SFI1: variants seen among roughly 807,000 people sequenced by gnomAD.
SFI1 encodes the protein protein SFI1 homolog.
SFI1 carries 195 observed loss-of-function variants against 207.5 expected under a neutral mutation model. That is an observed-to-expected ratio of 0.94 (90% CI 0.84 to 1.06). SFI1 has a LOEUF of 1.06. SFI1 is among the 50% of genes least tolerant of loss of function. SFI1 has a pLI of 0.00. For synonymous variants in SFI1, 630 were observed against 598.9 expected (o/e 1.05, Z -0.76); for missense variants, 1,634 against 1,588.0 (o/e 1.03, Z -0.49).
At chr22:31,516,305 G>C (rs2056490650) in intron 2 of SFI1, among the ~76,000 whole-genome samples, 1 of 151,986 alleles carries the variant, frequency 6.6e-6, no homozygotes, top group Non-Finnish European at 1.5e-5. Context: ...TTGAGGTCAG[G>C]AGTTAGAGAC....
Position 31,547,033 on chromosome 22 carries a change from T to C in SFI1, c.449+62T>C. 3 of 1,264,380 alleles carry C rather than the reference T, an allele frequency of 2.4e-6. No homozygotes were observed. The South Asian group carries it at 4.1e-5, about 17-fold the overall frequency. The allele number at this position is 1,264,380 out of a possible 1,614,324, so 78.3% of individuals were successfully genotyped here. On this transcript the variant is annotated intron_variant, in intron 5 of 32. Transcript: ENST00000400288. ...TGCACATTATCAGATGATTATTTGT[T>C]GGCGTGTTTATGGTCAAAAGAAGCA...
intron 12 of SFI1, 121 bp from the exon 13 acceptor site, chr22:31,583,754 G>T: frequency 3.7e-6 from 3 of 817,368 alleles, no homozygotes; most frequent in Non-Finnish European, 6.3e-6. Context: ...CCCACTGTAT[G>T]TTGGCTGCTC....
At chr22:31,507,034 G>T (rs2054744370) in intron 1 of SFI1, among the ~76,000 whole-genome samples, 1 of 152,110 alleles carries the variant, frequency 6.6e-6, no homozygotes, top group Non-Finnish European at 1.5e-5. Context: ...GAACAAAAAA[G>T]CATGAATAGC....
At chr22:31,613,916 A>G (rs1800034764) in intron 27 of SFI1, 61 bp downstream of exon 27, 1 of 1,512,092 alleles carries the variant, frequency 6.6e-7, no homozygotes, top group Non-Finnish European at 8.8e-7. Context: ...TGGATGGCAT[A>G]GCAGGGAGGA....
intron 20 of SFI1, 150 bp from the exon 21 acceptor site, chr22:31,606,178 C>A: frequency 1.5e-6 from 1 of 684,960 alleles, no homozygotes; most frequent in Non-Finnish European, 2.5e-6. Context: ...CATAGATGTG[C>A]AAGTAAACAT....
At chr22:31,550,053 T>C (rs1263367362) in intron 5 of SFI1, among the ~76,000 whole-genome samples, 1 of 151,966 alleles carries the variant, frequency 6.6e-6, no homozygotes, top group Non-Finnish European at 1.5e-5. Flanking sequence ...TGCCTCAGCC[T>C]CCGGAGTAGG....
intron 15 of SFI1, among the ~76,000 whole-genome samples, chr22:31,596,229 G>A (rs572928872): frequency 6.8e-4 from 103 of 152,210 alleles, no homozygotes; most frequent in South Asian, 2.3e-3. Context: ...CTCCAGCCTT[G>A]GATGACAGAG....
chr22:31,599,591 A>G (rs1603300885), intron 15 of SFI1, among the ~76,000 whole-genome samples: 1 of 152,090 alleles, frequency 6.6e-6, no homozygotes, highest in Non-Finnish European at 1.5e-5. Flanking sequence ...TGGCCTCCCA[A>G]AGTGCTGGGA....
intron 1 of SFI1, among the ~76,000 whole-genome samples, chr22:31,498,680 G>C (rs574952918): frequency 2.6e-5 from 4 of 151,596 alleles, no homozygotes; most frequent in African/African-American, 9.7e-5. Flanking sequence ...AAAGGAGTTT[G>C]AAAAAGTTGA....
At chr22:31,570,785 T>C (rs1425962717) in intron 8 of SFI1, among the ~76,000 whole-genome samples, 1 of 151,088 alleles carries the variant, frequency 6.6e-6, no homozygotes, top group Non-Finnish European at 1.5e-5. Flanking sequence ...AAGGAGTGAG[T>C]GTAGCTAGAT....
chr22:31,581,724 CCT>C (rs1419298180), intron 12 of SFI1, among the ~76,000 whole-genome samples: 5 of 151,754 alleles, frequency 3.3e-5, no homozygotes, highest in African/African-American at 4.8e-5. Context: ...GATTTTTTTC[CCT>C]GTTACTATTT....
intron 1 of SFI1, among the ~76,000 whole-genome samples, chr22:31,502,749 CTT>C (rs1771479884): frequency 2.0e-5 from 3 of 152,046 alleles, no homozygotes; most frequent in Admixed American, 1.3e-4. Context: ...ATTTTGGTCT[CTT>C]TTTTATTTGT....
chr22:31,521,985 G>A (rs1439165532), intron 2 of SFI1, among the ~76,000 whole-genome samples: 1 of 150,186 alleles, frequency 6.7e-6, no homozygotes, highest in Non-Finnish European at 1.5e-5. Flanking sequence ...GACTGGTCTT[G>A]ACCTCCTGGC....
intron 2 of SFI1, among the ~76,000 whole-genome samples, chr22:31,519,165 A>T (rs537336057): frequency 1.3e-5 from 2 of 152,306 alleles, no homozygotes; most frequent in Admixed American, 6.5e-5. Context: ...AGAGGAATGT[A>T]TGATGGGTTT....
chr22:31,582,236 A>ATTTATTTTTTTT (rs2064390844), intron 12 of SFI1, among the ~76,000 whole-genome samples: 1 of 10,140 alleles, frequency 9.9e-5, no homozygotes, highest in Non-Finnish European at 1.7e-4. Context: ...ATATATATAT[A>ATTTATTTTTTTT]TTTTTTTTTT....
At chr22:31,500,636 T>C (rs967037413) in intron 1 of SFI1, among the ~76,000 whole-genome samples, 2 of 151,962 alleles carry the variant, frequency 1.3e-5, no homozygotes, top group African/African-American at 4.8e-5. Flanking sequence ...TTTGTGTTTT[T>C]AGTAGAGACA....
chr22:31,602,137 T>C, intron 15 of SFI1, 75 bp from the exon 16 acceptor site: 1 of 1,278,528 alleles, frequency 7.8e-7, no homozygotes, highest in Non-Finnish European at 1.1e-6. Context: ...AATCCAATTA[T>C]TTGGAACTTC....
At position 31,608,021 on chromosome 22, in the gene SFI1, GT is replaced by G. The variant is rs1309540261; in HGVS notation, c.2243del (p.Val748GlyfsTer153). On this transcript the variant is annotated frameshift_variant, in exon 22 of 33. Coordinates refer to ENST00000400288, the MANE Select transcript of SFI1 (RefSeq NM_001007467.3). LOFTEE classifies it high-confidence loss of function. Reference sequence around the variant, plus strand: ...CTGTGCCATCTGGGAGGCCCAGAAGGTGCTGGACAGGGGTAAGTGGGGCCCC... The same window carrying G: ...CTGTGCCATCTGGGAGGCCCAGAAGGGCTGGACAGGGGTAAGTGGGGCCCC... ...EDCAIWEAQK[V>X]LDRGCLRTWF... 6.2e-7 allele frequency: 1 copy of G among 1,613,862 alleles called. No individual in the cohort carries two copies. Among genetic ancestry groups the G allele is most frequent in the Non-Finnish European group, 8.5e-7 (1 of 1,179,854 alleles).
chr22:31,557,203 G>T, intron 7 of SFI1, 144 bp downstream of exon 7: 2 of 592,652 alleles, frequency 3.4e-6, no homozygotes, highest in South Asian at 2.4e-5. Flanking sequence ...TTTCGAGATA[G>T]GGTCTTACTC....
Sources: gnomAD v4.1 joint callset for allele counts (sites outside exome capture counted in the v4.1 genomes callset) on GRCh38, gnomAD v4.1.1 for gene constraint, MANE v1.5 for transcripts, NCBI Gene and HGNC (gene_info 2026-07-23, HGNC 2026-07-21) for gene names.